TMEM26: variants seen among roughly 807,000 people sequenced by gnomAD.
TMEM26 encodes the protein transmembrane protein 26.
A neutral mutation model predicts 28.8 loss-of-function variants in TMEM26; 38 were observed. That is an observed-to-expected ratio of 1.32 (90% confidence interval 1.02 to 1.73). The LOEUF is 1.73. Ranked by LOEUF, TMEM26 falls within the 40% of genes most tolerant of loss-of-function variation. TMEM26 has a pLI of 0.00. For missense variants in TMEM26, 518 were observed against 447.1 expected (o/e 1.16, Z -1.43); for synonymous variants, 227 against 182.9 (o/e 1.24, Z -1.95).
chr10:61,441,379 A>G (rs1840090031), intron 1 of TMEM26, among the ~76,000 whole-genome samples: 1 of 152,212 alleles, frequency 6.6e-6, no homozygotes, highest in Non-Finnish European at 1.5e-5. Context: ...CCTATGAAAA[A>G]TTTAATATTT....
intron 2 of TMEM26, 32 bp from the exon 3 acceptor site, chr10:61,431,364 C>CA (rs752625094): frequency 6.6e-7 from 1 of 1,525,870 alleles, no homozygotes; most frequent in Non-Finnish European, 9.1e-7. Context: ...GCAATTATGG[C>CA]AAAAAATTAG....
chr10:61,442,820 A>G (rs1312589495), intron 1 of TMEM26, among the ~76,000 whole-genome samples: 2 of 152,210 alleles, frequency 1.3e-5, no homozygotes, highest in Non-Finnish European at 2.9e-5. Context: ...TATGATTTCC[A>G]TCAAGGCTGC....
rs548163251 is a variant in TMEM26 at position 61,451,533 on chromosome 10, TC to T, written c.191+1357del. Among the ~76,000 whole-genome samples, 1,283 of 152,294 alleles carry T rather than the reference TC, an allele frequency of 8.4e-3. 7 individuals are homozygous for T. The highest frequency in any genetic ancestry group is 0.014 in the Non-Finnish European group (923 of 68,034). On this transcript the variant is annotated intron_variant, in intron 1 of 5. Transcript: ENST00000399298. ...GACCTGCTGAGTGAACAAACACTTTTCTCCCCCTTTGTTTCTTTATCCCTGA... is the reference window on the plus strand; with the variant it reads ...GACCTGCTGAGTGAACAAACACTTTTTCCCCCTTTGTTTCTTTATCCCTGA...
At chr10:61,420,427 T>C (rs575400498) in intron 4 of TMEM26, among the ~76,000 whole-genome samples, 37 of 152,072 alleles carry the variant, frequency 2.4e-4, no homozygotes, top group African/African-American at 8.7e-4. Context: ...TTTTTAAAAA[T>C]CTGCGTATAC....
intron 5 of TMEM26, among the ~76,000 whole-genome samples, chr10:61,413,198 T>A (rs180713017): frequency 3.3e-5 from 5 of 152,154 alleles, no homozygotes; most frequent in Non-Finnish European, 7.4e-5. Context: ...GTCTTATAAA[T>A]CATAACTGAC....
rs541196411 is a variant in TMEM26, at chr10:61,453,164, G to C, written c.-83C>G. 1.4e-5 allele frequency: 20 copies of C among 1,439,948 alleles called. No homozygotes were observed. The East Asian group carries it at 4.4e-4, about 32-fold the overall frequency. 89.2% of individuals were successfully genotyped at this position (1,439,948 alleles called of 1,614,324 possible). A position where few individuals can be genotyped will look rare whatever the true frequency, so the allele number is the denominator to read the frequency against. On this transcript the variant is annotated 5_prime_UTR_variant, in exon 1 of 6. Transcript: ENST00000399298. ...CGTGCCCGGAGCCCACCGGTGAGCA[G>C]GAATATGACAAGCACTGAGACCTGC... is the stretch of plus-strand genomic sequence containing the variant.
At chr10:61,422,947 C>A (rs1839772535) in intron 4 of TMEM26, among the ~76,000 whole-genome samples, 1 of 151,994 alleles carries the variant, frequency 6.6e-6, no homozygotes, top group Admixed American at 6.6e-5. Context: ...AAACATCAGC[C>A]TCTCCCCTCA....
chr10:61,450,436 T>C (rs1367319851), intron 1 of TMEM26, among the ~76,000 whole-genome samples: 1 of 152,198 alleles, frequency 6.6e-6, no homozygotes. Flanking sequence ...ATTTCCTACA[T>C]GTTTTAGCAG....
At chr10:61,428,301 T>A (rs753376978) in intron 4 of TMEM26, among the ~76,000 whole-genome samples, 8 of 152,152 alleles carry the variant, frequency 5.3e-5, no homozygotes, top group Non-Finnish European at 1.0e-4. Flanking sequence ...TGAGTTTATT[T>A]GCTTGTGGCA....
At chr10:61,450,234 G>C (rs973629792) in intron 1 of TMEM26, among the ~76,000 whole-genome samples, 2 of 151,996 alleles carry the variant, frequency 1.3e-5, no homozygotes, top group Non-Finnish European at 2.9e-5. Context: ...TTTCTATATA[G>C]AGGTATAGAT....
rs1303025557 is a variant in TMEM26, at chr10:61,409,455, C to T, written c.*867G>A. ...AAACCATGGAAACACTTACAGGGCC[C>T]GAAACACCTTTATTCACTGCTTCAG... On this transcript the variant is annotated 3_prime_UTR_variant, in exon 6 of 6. Transcript: ENST00000399298. 6.6e-6 allele frequency: 1 copy of T among 152,158 alleles called. No individual in the cohort carries two copies. The highest frequency in any genetic ancestry group is 6.6e-5 in the Admixed American group (1 of 15,266). The allele number at this position is 152,158 out of a possible 1,614,324, so 9.4% of individuals were successfully genotyped here.
Position 61,413,608 on chromosome 10 carries a change from T to C in TMEM26, c.606-73A>G, listed in dbSNP as rs1018125699. On this transcript the variant is annotated intron_variant, in intron 4 of 5. Transcript: ENST00000399298. ...ATGCAGAAAAGTCTTCTCAGTCAAGTTTTTTAGTATATTCCTAATAAACCT... is the reference window on the plus strand; with the variant it reads ...ATGCAGAAAAGTCTTCTCAGTCAAGCTTTTTAGTATATTCCTAATAAACCT... 12 of 1,482,132 alleles carry C rather than the reference T, an allele frequency of 8.1e-6. No individual in the cohort carries two copies. The African/African-American group carries it at 8.6e-5, about 11-fold the overall frequency. The allele number at this position is 1,482,132 out of a possible 1,614,324, so 91.8% of individuals were successfully genotyped here.
At chr10:61,426,657 C>G (rs964083447) in intron 4 of TMEM26, among the ~76,000 whole-genome samples, 2 of 151,934 alleles carry the variant, frequency 1.3e-5, no homozygotes, top group Non-Finnish European at 2.9e-5. Flanking sequence ...TGGAATAAAA[C>G]ATTAGAAAAA....
chr10:61,424,592 A>G (rs1304970234), intron 4 of TMEM26, among the ~76,000 whole-genome samples: 2 of 152,178 alleles, frequency 1.3e-5, no homozygotes, highest in African/African-American at 2.4e-5. Flanking sequence ...ACAATTATAT[A>G]AAAATGCAAA....
At chr10:61,442,996 C>G (rs1840119513) in intron 1 of TMEM26, among the ~76,000 whole-genome samples, 1 of 152,148 alleles carries the variant, frequency 6.6e-6, no homozygotes, top group African/African-American at 2.4e-5. Flanking sequence ...CAGCCACCAC[C>G]CATTAATCTT....
intron 1 of TMEM26, among the ~76,000 whole-genome samples, chr10:61,447,087 A>G (rs2135336862): frequency 1.3e-5 from 2 of 152,324 alleles, no homozygotes; most frequent in African/African-American, 4.8e-5. Flanking sequence ...AAGTGTGAAG[A>G]GGGAGAGAAA....
At chr10:61,427,704 C>T (rs1267482658) in intron 4 of TMEM26, among the ~76,000 whole-genome samples, 1 of 152,058 alleles carries the variant, frequency 6.6e-6, no homozygotes, top group African/African-American at 2.4e-5. Flanking sequence ...CCTATGTTCC[C>T]TCCCAACTCC....
intron 1 of TMEM26, among the ~76,000 whole-genome samples, chr10:61,438,936 G>C (rs1172615477): frequency 6.6e-6 from 1 of 152,044 alleles, no homozygotes; most frequent in Non-Finnish European, 1.5e-5. Context: ...ATGAAGAAAG[G>C]GGTAAGGAAA....
intron 1 of TMEM26, among the ~76,000 whole-genome samples, chr10:61,443,186 G>T (rs1044266843): frequency 3.3e-5 from 5 of 151,568 alleles, no homozygotes; most frequent in Admixed American, 6.6e-5. Flanking sequence ...GGTGCAGTGT[G>T]TCACGCCTGT....
Sources: allele counts gnomAD v4.1 joint callset (sites outside exome capture counted in the v4.1 genomes callset), GRCh38; gene constraint gnomAD v4.1.1; transcripts MANE v1.5; gene names NCBI Gene and HGNC (gene_info 2026-07-23, HGNC 2026-07-21).